CUX2: variants seen among roughly 807,000 people sequenced by gnomAD.
CUX2 encodes cut like homeobox 2, also known as homeobox protein cut-like 2.
Under a neutral mutation model 144.8 loss-of-function variants are expected in CUX2, and 40 were observed. The observed-to-expected ratio is 0.28, with a 90% CI of 0.21 to 0.36. The LOEUF (loss-of-function observed/expected upper bound fraction) is 0.36, where lower values mean the gene tolerates loss of function less well. Among genes scored for constraint, CUX2 ranks in the 10% least tolerant of loss-of-function variants. CUX2 has a pLI of 1.00. For missense variants in CUX2, 1,615 were observed against 1,994.0 expected (o/e 0.81, Z 3.62); for synonymous variants, 827 against 875.6 (o/e 0.94, Z 0.98).
intron 21 of CUX2, among the ~76,000 whole-genome samples, 177 bp downstream of exon 21, chr12:111,342,230 C>G (rs1408643188): frequency 6.6e-6 from 1 of 152,172 alleles, no homozygotes; most frequent in Non-Finnish European, 1.5e-5. Flanking sequence ...GTAATCCCAG[C>G]ACTTTGGGAG....
At chr12:111,067,900 G>T (rs1871088595) in intron 1 of CUX2, among the ~76,000 whole-genome samples, 2 of 152,166 alleles carry the variant, frequency 1.3e-5, no homozygotes, top group African/African-American at 4.8e-5. Flanking sequence ...TCGTGTCACT[G>T]AACCACCCTG....
At chr12:111,063,078 C>G (rs568073981) in intron 1 of CUX2, among the ~76,000 whole-genome samples, 6 of 152,236 alleles carry the variant, frequency 3.9e-5, no homozygotes, top group African/African-American at 1.2e-4. Context: ...GGAGACCTGG[C>G]CAGACAAGGA....
In CUX2 at chr12:111,151,925, G is replaced by T. The variant is rs763760895; in HGVS notation, c.64-62275G>T. Among the ~76,000 whole-genome samples, 11 of 152,282 alleles carry T rather than the reference G, an allele frequency of 7.2e-5. No individual in the cohort carries two copies. In the South Asian group the frequency reaches 1.2e-3, roughly 17 times the overall value. ...AACCAAGGCCGTCAGTGACCCAGGA[G>T]ATTGGCCTGGATCGCATCAGTCATT... is the stretch of plus-strand genomic sequence containing the variant. On this transcript the variant is annotated intron_variant, in intron 1 of 21. Transcript: ENST00000261726.
At chr12:111,157,602 AT>A (rs1033338519) in intron 1 of CUX2, among the ~76,000 whole-genome samples, 1 of 152,202 alleles carries the variant, frequency 6.6e-6, no homozygotes, top group African/African-American at 2.4e-5. Flanking sequence ...AATTTATTTG[AT>A]TTGGGCTTTA....
chr12:111,040,604 C>T (rs994397396), intron 1 of CUX2, among the ~76,000 whole-genome samples: 14 of 152,186 alleles, frequency 9.2e-5, no homozygotes, highest in Admixed American at 3.3e-4. Flanking sequence ...GAAGCTTCCA[C>T]CACTGTTTCC....
chr12:111,038,636 C>T (rs907704021), intron 1 of CUX2, among the ~76,000 whole-genome samples: 1 of 152,248 alleles, frequency 6.6e-6, no homozygotes, highest in African/African-American at 2.4e-5. Flanking sequence ...ATTTAAAGAA[C>T]CCAGCAGCCT....
chr12:111,334,763 A>G (rs1313043458), intron 19 of CUX2, 53 bp downstream of exon 19: 9 of 1,532,094 alleles, frequency 5.9e-6, no homozygotes, highest in Non-Finnish European at 7.9e-6. Context: ...GTTGGCTCCT[A>G]CTTGCCTTGA....
intron 4 of CUX2, among the ~76,000 whole-genome samples, chr12:111,281,579 C>T (rs918698190): frequency 6.6e-6 from 1 of 152,248 alleles, no homozygotes; most frequent in Non-Finnish European, 1.5e-5. Context: ...CTCCCACAGA[C>T]GCTCAATAAA....
At chr12:111,237,270 G>A (rs1250393650) in intron 3 of CUX2, among the ~76,000 whole-genome samples, 2 of 152,222 alleles carry the variant, frequency 1.3e-5, no homozygotes, top group African/African-American at 4.8e-5. Context: ...CCCAGGTAGC[G>A]AGCTGCTGTG....
intron 1 of CUX2, among the ~76,000 whole-genome samples, chr12:111,087,366 C>CAAAAAAAAAAAAAA (rs1159500448): frequency 4.4e-4 from 20 of 45,028 alleles, no homozygotes; most frequent in Non-Finnish European, 8.4e-4. Context: ...GACTCCATCT[C>CAAAAAAAAAAAAAA]AAAAAAAAAA....
chr12:111,225,714 G>A, intron 3 of CUX2, among the ~76,000 whole-genome samples: 1 of 152,282 alleles, frequency 6.6e-6, no homozygotes, highest in Non-Finnish European at 1.5e-5. Context: ...GGCCAGAAAG[G>A]AGCTCATCAC....
At chr12:111,290,798 A>C (rs1056698895) in intron 4 of CUX2, among the ~76,000 whole-genome samples, 1 of 152,072 alleles carries the variant, frequency 6.6e-6, no homozygotes, top group Admixed American at 6.6e-5. Context: ...TCCTGGGCTC[A>C]AGTGATCCTC....
chr12:111,063,763 C>T (rs1030756251), intron 1 of CUX2, among the ~76,000 whole-genome samples: 3 of 152,214 alleles, frequency 2.0e-5, no homozygotes, highest in African/African-American at 4.8e-5. Flanking sequence ...TTATTAGCAT[C>T]GTAATCGCTC....
chr12:111,335,294 G>A (rs1320090587), intron 19 of CUX2, among the ~76,000 whole-genome samples: 1 of 152,132 alleles, frequency 6.6e-6, no homozygotes, highest in Non-Finnish European at 1.5e-5. Flanking sequence ...TTGGGAGGCT[G>A]AGGCAGGAGA....
intron 13 of CUX2, 25 bp downstream of exon 13, chr12:111,308,358 G>T (rs1341903174): frequency 6.2e-7 from 1 of 1,614,060 alleles, no homozygotes; most frequent in African/African-American, 1.3e-5. Context: ...CACCATCCCT[G>T]CAGGGCAGGC....
At chr12:111,239,422 C>T (rs186804771) in intron 3 of CUX2, among the ~76,000 whole-genome samples, 1 of 152,276 alleles carries the variant, frequency 6.6e-6, no homozygotes, top group East Asian at 1.9e-4. Context: ...CACAATCTAT[C>T]AATCTGAGAA....
chr12:111,240,619 A>T (rs1325906304), intron 3 of CUX2, among the ~76,000 whole-genome samples: 1 of 152,224 alleles, frequency 6.6e-6, no homozygotes, highest in African/African-American at 2.4e-5. Context: ...AGGAAAGAAG[A>T]TCACAAATGA....
chr12:111,214,161 TTCTC>T (rs200759856), intron 1 of CUX2, 35 bp from the exon 2 acceptor site: 21 of 1,235,280 alleles, frequency 1.7e-5, no homozygotes, highest in South Asian at 4.6e-5. Flanking sequence ...TCTTTTTCTT[TTCTC>T]TCTCTCTCTT....
rs373389929 is a variant in CUX2, at chr12:111,214,173, C to CTTT, written c.64-13_64-11dup. Reference sequence around the variant, plus strand: ...AAATCTTTTTCTTTTCTCTCTCTCTCTTTTTTTTTTTTTTTTATTGTTCCA... The same window carrying CTTT: ...AAATCTTTTTCTTTTCTCTCTCTCTCTTTTTTTTTTTTTTTTTTTATTGTTCCA... On this transcript the variant is annotated intron_variant, in intron 1 of 21. Transcript: ENST00000261726. 6.8e-4 allele frequency: 681 copies of CTTT among 1,003,100 alleles called. 4 individuals are homozygous for CTTT. Among genetic ancestry groups the CTTT allele is most frequent in the South Asian group, 3.4e-3 (176 of 51,026 alleles). The allele number at this position is 1,003,100 out of a possible 1,614,324, so 62.1% of individuals were successfully genotyped here. A position where few individuals can be genotyped will look rare whatever the true frequency, so the allele number is the denominator to read the frequency against.
Sources: allele counts gnomAD v4.1 joint callset (sites outside exome capture counted in the v4.1 genomes callset), GRCh38; gene constraint gnomAD v4.1.1; transcripts MANE v1.5; gene names NCBI Gene and HGNC (gene_info 2026-07-23, HGNC 2026-07-21).